TAFA2: variants seen among roughly 807,000 people sequenced by gnomAD.
TAFA2 encodes the protein chemokine-like protein TAFA-2.
TAFA2 carries 7 observed loss-of-function variants against 18.8 expected under a neutral mutation model. That is an observed-to-expected ratio of 0.37 (90% CI 0.21 to 0.70). The LOEUF (loss-of-function observed/expected upper bound fraction) is 0.70, where lower values mean the gene tolerates loss of function less well. TAFA2 is among the 30% of genes least tolerant of loss of function. The pLI is 0.53. For missense variants in TAFA2, 122 were observed against 158.1 expected (o/e 0.77, Z 1.23); for synonymous variants, 60 against 54.2 (o/e 1.11, Z -0.47).
chr12:61,800,701 C>T (rs1009505109), intron 2 of TAFA2, among the ~76,000 whole-genome samples: 2 of 152,004 alleles, frequency 1.3e-5, no homozygotes, highest in Non-Finnish European at 2.9e-5. Flanking sequence ...ATACCAGGTA[C>T]AGAAATAAAT....
chr12:62,061,490 G>C (rs1305647172), intron 1 of TAFA2, among the ~76,000 whole-genome samples: 1 of 152,078 alleles, frequency 6.6e-6, no homozygotes, highest in Non-Finnish European at 1.5e-5. Flanking sequence ...TGACAAAATC[G>C]CCTAACAGCG....
In TAFA2 at chr12:61,743,676, C is replaced by A. The variant is rs149626474; in HGVS notation, c.384+9946G>T. Among the ~76,000 whole-genome samples the A allele has an allele frequency of 1.9e-3, 287 of 152,182 alleles. 1 individual carries two copies. Among genetic ancestry groups the A allele is most frequent in the Middle Eastern group, 0.014 (4 of 294 alleles). ...AGGTGAAGTGACAAGTCCTGAACAG[C>A]CTTGCAGGGAGCTAGAAATCCTGAA... On this transcript the variant is annotated intron_variant, in intron 4 of 4. Coordinates refer to ENST00000416284, the MANE Select transcript of TAFA2 (RefSeq NM_178539.5).
chr12:61,993,606 T>C (rs1257971265), intron 1 of TAFA2, among the ~76,000 whole-genome samples: 1 of 152,172 alleles, frequency 6.6e-6, no homozygotes, highest in Non-Finnish European at 1.5e-5. Flanking sequence ...ATTTCTGTCA[T>C]TGGCCATAAG....
intron 1 of TAFA2, among the ~76,000 whole-genome samples, chr12:62,145,177 A>G (rs1460097429): frequency 1.3e-5 from 2 of 152,212 alleles, no homozygotes; most frequent in African/African-American, 4.8e-5. Context: ...AGTTTGTGCT[A>G]CATGGCAGGG....
intron 1 of TAFA2, among the ~76,000 whole-genome samples, chr12:62,239,749 T>G (rs1323638731): frequency 6.6e-6 from 1 of 152,238 alleles, no homozygotes; most frequent in South Asian, 2.1e-4. Context: ...ATCAGATATG[T>G]GACCGAGTGA....
At chr12:61,944,001 AT>A (rs1878155322) in intron 1 of TAFA2, among the ~76,000 whole-genome samples, 1 of 136,384 alleles carries the variant, frequency 7.3e-6, no homozygotes, top group East Asian at 2.1e-4. Context: ...CAGAATATAC[AT>A]TTTTTTCAGC....
intron 1 of TAFA2, among the ~76,000 whole-genome samples, chr12:62,135,300 A>G (rs1870851170): frequency 6.6e-6 from 1 of 152,110 alleles, no homozygotes; most frequent in Non-Finnish European, 1.5e-5. Flanking sequence ...AGTCTATTCA[A>G]GCAAAGCCAC....
intron 2 of TAFA2, among the ~76,000 whole-genome samples, chr12:61,857,498 T>A (rs139955135): frequency 6.6e-6 from 1 of 152,266 alleles, no homozygotes; most frequent in African/African-American, 2.4e-5. Context: ...TGGCAAATAT[T>A]TGTCATTTTC....
At chr12:61,979,104 T>C (rs1264503735) in intron 1 of TAFA2, among the ~76,000 whole-genome samples, 5 of 152,138 alleles carry the variant, frequency 3.3e-5, no homozygotes, top group Admixed American at 6.6e-5. Context: ...TTTCTGCAGA[T>C]AACGTCATGT....
intron 1 of TAFA2, among the ~76,000 whole-genome samples, chr12:62,002,611 C>CAA (rs2136702409): frequency 6.6e-6 from 1 of 152,276 alleles, no homozygotes; most frequent in South Asian, 2.1e-4. Flanking sequence ...TATTGCTTGA[C>CAA]AATTTTAGCT....
intron 1 of TAFA2, among the ~76,000 whole-genome samples, chr12:62,031,410 CTT>C (rs1881454899): frequency 6.6e-6 from 1 of 152,138 alleles, no homozygotes; most frequent in African/African-American, 2.4e-5. Context: ...GACTGGCTCT[CTT>C]TGCTCCTCAG....
chr12:62,255,687 T>C (rs1443476288), intron 1 of TAFA2, among the ~76,000 whole-genome samples: 1 of 151,460 alleles, frequency 6.6e-6, no homozygotes, highest in Non-Finnish European at 1.5e-5. Context: ...ACCCCATCTC[T>C]ACTAAAAATA....
At chr12:61,839,379 C>A (rs1486989991) in intron 2 of TAFA2, among the ~76,000 whole-genome samples, 1 of 152,018 alleles carries the variant, frequency 6.6e-6, no homozygotes, top group Non-Finnish European at 1.5e-5. Context: ...ACCATTTGAT[C>A]CAGCAATTCC....
intron 1 of TAFA2, among the ~76,000 whole-genome samples, chr12:62,102,548 C>A (rs908890895): frequency 6.6e-6 from 1 of 152,138 alleles, no homozygotes; most frequent in Admixed American, 6.6e-5. Flanking sequence ...ACAGAATGTA[C>A]AATGATTGCT....
intron 1 of TAFA2, among the ~76,000 whole-genome samples, chr12:62,245,045 T>C (rs1011151671): frequency 6.6e-6 from 1 of 152,048 alleles, no homozygotes; most frequent in African/African-American, 2.4e-5. Context: ...GTCACTCTCT[T>C]ACTTTAAGGT....
At chr12:61,737,923 G>A (rs534236997) in intron 4 of TAFA2, among the ~76,000 whole-genome samples, 1 of 151,922 alleles carries the variant, frequency 6.6e-6, no homozygotes, top group African/African-American at 2.4e-5. Context: ...CTAGAGTCAA[G>A]ACAAATTATA....
At chr12:62,026,511 C>T (rs183599853) in intron 1 of TAFA2, among the ~76,000 whole-genome samples, 2 of 152,186 alleles carry the variant, frequency 1.3e-5, no homozygotes, top group African/African-American at 2.4e-5. Flanking sequence ...ATTCTCTTTC[C>T]GACTCCAGCT....
At chr12:62,001,229 T>C (rs541000232) in intron 1 of TAFA2, among the ~76,000 whole-genome samples, 90 of 152,182 alleles carry the variant, frequency 5.9e-4, no homozygotes, top group African/African-American at 2.1e-3. Context: ...AGCAACACAA[T>C]ATATAGCAGC....
intron 1 of TAFA2, chr12:62,207,303 G>A (rs1432215370): frequency 6.6e-6 from 1 of 152,174 alleles, no homozygotes; most frequent in Non-Finnish European, 1.5e-5. Context: ...CAAGATTAGG[G>A]AAAAATATAT....
Sources: gnomAD v4.1 joint callset for allele counts (sites outside exome capture counted in the v4.1 genomes callset) on GRCh38, gnomAD v4.1.1 for gene constraint, MANE v1.5 for transcripts, NCBI Gene and HGNC (gene_info 2026-07-23, HGNC 2026-07-21) for gene names.